The following LDB2 variants were observed in gnomAD, a reference collection of about 807,000 sequenced individuals.
The protein encoded by LDB2 is LIM domain-binding protein 2.
In LDB2, 12 loss-of-function variants were observed where a neutral mutation model predicts 44.3. The ratio of observed to expected loss-of-function variants is 0.27; its 90% CI spans 0.17 to 0.44. The LOEUF is 0.44. Ranked by LOEUF, LDB2 falls within the 20% of genes least tolerant of loss-of-function variation. LDB2 has a pLI of 1.00. For missense variants in LDB2, 344 were observed against 473.5 expected, an observed-to-expected ratio of 0.73 and a Z score of 2.54; for synonymous variants, 164 against 174.8, an observed-to-expected ratio of 0.94 and a Z score of 0.49.
chr4:16,606,571 T>C (rs1003598330), intron 2 of LDB2, among the ~76,000 whole-genome samples: 1 of 152,180 alleles, frequency 6.6e-6, no homozygotes, highest in Non-Finnish European at 1.5e-5. Context: ...AAAGTTTATC[T>C]GCATGTAAAT....
intron 2 of LDB2, among the ~76,000 whole-genome samples, chr4:16,659,077 T>G (rs968378916): frequency 6.6e-6 from 1 of 152,198 alleles, no homozygotes; most frequent in Non-Finnish European, 1.5e-5. Context: ...CTTTGAAACA[T>G]GAATACGAGC....
At chr4:16,858,020 C>A (rs1349405917) in intron 1 of LDB2, among the ~76,000 whole-genome samples, 5 of 150,008 alleles carry the variant, frequency 3.3e-5, no homozygotes, top group Non-Finnish European at 4.4e-5. Flanking sequence ...GGCAATAATA[C>A]TGTCCCTCAC....
chr4:16,559,095 A>G (rs1390651713), intron 5 of LDB2, among the ~76,000 whole-genome samples: 1 of 152,248 alleles, frequency 6.6e-6, no homozygotes, highest in African/African-American at 2.4e-5. Context: ...AACCGGTACC[A>G]GCCACTGCAA....
At chr4:16,576,767 GAC>G (rs1369739398) in intron 5 of LDB2, among the ~76,000 whole-genome samples, 1 of 152,006 alleles carries the variant, frequency 6.6e-6, no homozygotes, top group Non-Finnish European at 1.5e-5. Context: ...ACCAGACAAA[GAC>G]ACATCATAAA....
chr4:16,832,591 C>A (rs1255503836), intron 1 of LDB2, among the ~76,000 whole-genome samples: 1 of 151,666 alleles, frequency 6.6e-6, no homozygotes, highest in Non-Finnish European at 1.5e-5. Context: ...TCTACTTCGA[C>A]AGTGTAACTT....
At chr4:16,547,380 AT>A (rs1356692244) in intron 5 of LDB2, among the ~76,000 whole-genome samples, 1 of 152,188 alleles carries the variant, frequency 6.6e-6, no homozygotes, top group East Asian at 1.9e-4. Context: ...GATTTAAACC[AT>A]GAGGTGTGGT....
At chr4:16,679,522 A>G (rs1747273912) in intron 2 of LDB2, among the ~76,000 whole-genome samples, 1 of 152,216 alleles carries the variant, frequency 6.6e-6, no homozygotes. Flanking sequence ...CTCTCATTTC[A>G]AAGGTCAGGA....
chr4:16,739,739 C>CATATATGTGTAT (rs1762847348), intron 2 of LDB2, among the ~76,000 whole-genome samples: 1 of 100,408 alleles, frequency 1.0e-5, no homozygotes, highest in Admixed American at 1.0e-4. Flanking sequence ...TGTGTATATA[C>CATATATGTGTAT]ATACATATAC....
chr4:16,662,954 A>G (rs74963156), intron 2 of LDB2, among the ~76,000 whole-genome samples: 3,188 of 152,210 alleles, frequency 0.021, 100 homozygotes, highest in African/African-American at 0.071. Context: ...CATTATAATA[A>G]CAAATGAATG....
At chr4:16,887,032 CAAAAAAAAAAAAAAAAA>C (rs371783496) in intron 1 of LDB2, among the ~76,000 whole-genome samples, 1 of 50,446 alleles carries the variant, frequency 2.0e-5, no homozygotes, top group Non-Finnish European at 3.7e-5. Context: ...AACTCCGTCT[CAAAAAAAAAAAAAAAAA>C]AAAAAAAAAA....
intron 1 of LDB2, among the ~76,000 whole-genome samples, chr4:16,865,765 T>C (rs1371195675): frequency 6.6e-6 from 1 of 152,164 alleles, no homozygotes. Flanking sequence ...AGAAGGGGCA[T>C]TCATCTGAGA....
intron 1 of LDB2, among the ~76,000 whole-genome samples, chr4:16,858,054 CTGATTATT>C: frequency 6.6e-6 from 1 of 152,062 alleles, no homozygotes; most frequent in Non-Finnish European, 1.5e-5. Context: ...ATAATAATTA[CTGATTATT>C]TGATTATTAA....
chr4:16,814,298 G>C (rs569899302), intron 1 of LDB2, among the ~76,000 whole-genome samples: 3 of 152,160 alleles, frequency 2.0e-5, no homozygotes, highest in South Asian at 2.1e-4. Context: ...GTGGCTACTC[G>C]TCTGTTCCAG....
At chr4:16,897,914 A>ATATATATATACACATATG (rs1725631176) in intron 1 of LDB2, among the ~76,000 whole-genome samples, 1 of 16,120 alleles carries the variant, frequency 6.2e-5, no homozygotes, top group Non-Finnish European at 9.7e-5. Context: ...ATATATATAT[A>ATATATATATACACATATG]TATATATATA....
In LDB2 at chr4:16,533,700, G is replaced by C. The variant is rs759249172; in HGVS notation, c.616-21596C>G. On this transcript the variant is annotated intron_variant, in intron 5 of 7. Coordinates refer to ENST00000304523, the MANE Select transcript of LDB2 (RefSeq NM_001290.5). This position sits in a 1 kb window ranked among gnomAD's most constrained non-coding sequence, Gnocchi z 4.1. ...GGGACGTCACCCTGGCTGAACAAAT[G>C]GTTGCTTATGTAAAAGACCTGCCCT... Among the ~76,000 whole-genome samples the C allele has an allele frequency of 3.3e-5, 5 of 152,146 alleles. No homozygotes were observed. Among genetic ancestry groups the C allele is most frequent in the Non-Finnish European group, 5.9e-5 (4 of 68,032 alleles).
rs886147716 is a variant in LDB2 at position 16,502,320 on chromosome 4, A to C, written c.*323T>G. ...GGACAATATGGCCTTCGTTTGATGC[A>C]TAAAAAGGAAATTCAACACAAACAC... On this transcript the variant is annotated 3_prime_UTR_variant, in exon 8 of 8. Coordinates refer to ENST00000304523, the MANE Select transcript of LDB2 (RefSeq NM_001290.5). The C allele has an allele frequency of 1.6e-5, 5 of 303,900 alleles. No homozygotes were observed. The highest frequency in any genetic ancestry group is 1.0e-4 in the African/African-American group (5 of 47,674). The allele number at this position is 303,900 out of a possible 1,614,324, so 18.8% of individuals were successfully genotyped here.
chr4:16,712,536 G>A (rs185185320), intron 2 of LDB2, among the ~76,000 whole-genome samples: 35 of 151,998 alleles, frequency 2.3e-4, no homozygotes, highest in Non-Finnish European at 3.7e-4. Flanking sequence ...TGGGTGACAC[G>A]GTGAGACTCT....
chr4:16,529,486 C>T (rs1027342817), intron 5 of LDB2, among the ~76,000 whole-genome samples: 1 of 152,200 alleles, frequency 6.6e-6, no homozygotes, highest in Non-Finnish European at 1.5e-5. Flanking sequence ...CTGCCTTCTG[C>T]CACCACTTCT....
At chr4:16,712,324 C>T (rs1342768210) in intron 2 of LDB2, among the ~76,000 whole-genome samples, 7 of 152,218 alleles carry the variant, frequency 4.6e-5, no homozygotes, top group African/African-American at 7.2e-5. Flanking sequence ...GAGGCTGAGG[C>T]GGGTGGATCA....
Sources: gnomAD v4.1 joint callset for allele counts (sites outside exome capture counted in the v4.1 genomes callset) on GRCh38, gnomAD v4.1.1 for gene constraint, Gnocchi (gnomAD v3.1) non-coding constraint, MANE v1.5 for transcripts, NCBI Gene and HGNC (gene_info 2026-07-23, HGNC 2026-07-21) for gene names.